Variants in CACNA2D3 observed in about 807,000 individuals in gnomAD.
CACNA2D3 encodes the protein calcium voltage-gated channel auxiliary subunit alpha2delta 3.
A neutral mutation model predicts 160.6 loss-of-function variants in CACNA2D3; 60 were observed. That is an observed-to-expected ratio of 0.37 (90% CI 0.30 to 0.46). CACNA2D3 has a LOEUF of 0.46. Ranked by LOEUF, CACNA2D3 falls within the 20% of genes least tolerant of loss-of-function variation. The pLI is 1.00. For synonymous variants in CACNA2D3, 558 were observed against 492.9 expected (o/e 1.13, Z -1.75); for missense variants, 1,205 against 1,365.0 (o/e 0.88, Z 1.85).
At chr3:54,217,961 G>T (rs1299843980) in intron 2 of CACNA2D3, among the ~76,000 whole-genome samples, 1 of 151,768 alleles carries the variant, frequency 6.6e-6, no homozygotes, top group African/African-American at 2.4e-5. Flanking sequence ...TGTGTTGAGG[G>T]GGGTGTTTTA....
intron 27 of CACNA2D3, among the ~76,000 whole-genome samples, chr3:54,922,097 A>G (rs1445472965): frequency 6.6e-6 from 1 of 152,088 alleles, no homozygotes; most frequent in Non-Finnish European, 1.5e-5. Context: ...TGTGATCTGT[A>G]CTCATGCAGC....
chr3:54,125,016 A>G (rs1345230152), intron 2 of CACNA2D3, among the ~76,000 whole-genome samples: 3 of 152,166 alleles, frequency 2.0e-5, no homozygotes, highest in Admixed American at 2.0e-4. Flanking sequence ...GTTTGATGTG[A>G]TGAATTCTGG....
At chr3:54,401,509 G>C (rs749708446) in intron 4 of CACNA2D3, among the ~76,000 whole-genome samples, 1 of 152,188 alleles carries the variant, frequency 6.6e-6, no homozygotes, top group Non-Finnish European at 1.5e-5. Flanking sequence ...AGAGAAAAGT[G>C]TCAGGTCACA....
At position 54,152,962 on chromosome 3, in the gene CACNA2D3, A is replaced by G. The variant is rs867765094; in HGVS notation, c.204+29368A>G. Among the ~76,000 whole-genome samples the G allele has an allele frequency of 1.6e-4, 25 of 152,344 alleles. No homozygotes were observed. In the Middle Eastern group the frequency reaches 0.01, roughly 62 times the overall value. Reference sequence around the variant, plus strand: ...TACAGGTGACACTCATGATGTGGGCAGGAATCCAGGGCTTGGGAGAGCTTT... The same window carrying G: ...TACAGGTGACACTCATGATGTGGGCGGGAATCCAGGGCTTGGGAGAGCTTT... On this transcript the variant is annotated intron_variant, in intron 2 of 37. Transcript: ENST00000474759.
chr3:55,039,607 A>C (rs1336952360), intron 35 of CACNA2D3, among the ~76,000 whole-genome samples: 2 of 152,186 alleles, frequency 1.3e-5, no homozygotes, highest in Non-Finnish European at 2.9e-5. Flanking sequence ...TTTTGACAGT[A>C]CCTCATTAGT....
At chr3:54,734,388 A>G (rs566153759) in intron 11 of CACNA2D3, among the ~76,000 whole-genome samples, 10 of 152,304 alleles carry the variant, frequency 6.6e-5, no homozygotes, top group African/African-American at 2.4e-4. Context: ...CTTCGCAGTG[A>G]AGTCAGTTCA....
intron 35 of CACNA2D3, among the ~76,000 whole-genome samples, chr3:55,066,321 G>A (rs1575460217): frequency 6.6e-6 from 1 of 152,060 alleles, no homozygotes. Context: ...CTATATAAAG[G>A]GTAAAAATCT....
chr3:54,971,818 G>A (rs975965480), intron 29 of CACNA2D3, among the ~76,000 whole-genome samples: 16 of 152,172 alleles, frequency 1.1e-4, no homozygotes, highest in Admixed American at 1.3e-4. Flanking sequence ...GACTCTGACA[G>A]TAATAAAATG....
intron 3 of CACNA2D3, among the ~76,000 whole-genome samples, chr3:54,321,851 G>T (rs1704005416): frequency 7.0e-6 from 1 of 143,390 alleles, no homozygotes; most frequent in Admixed American, 7.5e-5. Flanking sequence ...TTTCTGTCCA[G>T]ATAAGGTTGT....
At chr3:54,739,495 G>A (rs750531502) in intron 11 of CACNA2D3, among the ~76,000 whole-genome samples, 1 of 150,852 alleles carries the variant, frequency 6.6e-6, no homozygotes, top group Non-Finnish European at 1.5e-5. Context: ...CATGGAGAGT[G>A]CCTGCAAGGT....
intron 26 of CACNA2D3, among the ~76,000 whole-genome samples, chr3:54,898,749 G>A: frequency 6.6e-6 from 1 of 152,128 alleles, no homozygotes; most frequent in East Asian, 1.9e-4. Flanking sequence ...TGGTAACTGG[G>A]ATTTTCACCA....
intron 11 of CACNA2D3, among the ~76,000 whole-genome samples, chr3:54,741,081 G>C (rs988606455): frequency 6.6e-6 from 1 of 152,100 alleles, no homozygotes; most frequent in Non-Finnish European, 1.5e-5. Flanking sequence ...CCCTGATGTG[G>C]GCCTTTGGGG....
chr3:54,304,390 G>A (rs1215282580), intron 2 of CACNA2D3, among the ~76,000 whole-genome samples: 3 of 152,128 alleles, frequency 2.0e-5, no homozygotes, highest in Non-Finnish European at 4.4e-5. Context: ...GTGAGCTGAA[G>A]GATGAGCTAT....
chr3:54,153,600 A>C (rs186748660), intron 2 of CACNA2D3, among the ~76,000 whole-genome samples: 10 of 152,322 alleles, frequency 6.6e-5, no homozygotes, highest in Admixed American at 6.5e-4. Context: ...AATAAAACAA[A>C]TGTATGGCTG....
chr3:54,854,535 A>G (rs1699125409), intron 17 of CACNA2D3, among the ~76,000 whole-genome samples: 1 of 151,808 alleles, frequency 6.6e-6, no homozygotes, highest in South Asian at 2.1e-4. Flanking sequence ...TATTTTTTTT[A>G]TTATGGACAG....
intron 4 of CACNA2D3, among the ~76,000 whole-genome samples, chr3:54,484,440 T>C (rs942298695): frequency 6.6e-6 from 1 of 152,156 alleles, no homozygotes; most frequent in Admixed American, 6.5e-5. Flanking sequence ...AGATGCTAGG[T>C]AGTGATGGAA....
chr3:54,995,727 T>C (rs1303037845), intron 31 of CACNA2D3, among the ~76,000 whole-genome samples: 1 of 152,200 alleles, frequency 6.6e-6, no homozygotes, highest in Non-Finnish European at 1.5e-5. Flanking sequence ...ACCTGGGAAA[T>C]GTGCATATTA....
At chr3:54,849,818 C>G (rs1699016727) in intron 17 of CACNA2D3, among the ~76,000 whole-genome samples, 1 of 152,192 alleles carries the variant, frequency 6.6e-6, no homozygotes, top group Admixed American at 6.5e-5. Flanking sequence ...ATTCCCTCTC[C>G]ATCTGCCATG....
At chr3:54,679,578 G>A (rs1398618261) in intron 11 of CACNA2D3, among the ~76,000 whole-genome samples, 1 of 152,158 alleles carries the variant, frequency 6.6e-6, no homozygotes, top group Middle Eastern at 3.2e-3. Context: ...CTCTGCCTGA[G>A]ATGACCCCTT....
Sources: gnomAD v4.1 joint callset for allele counts (sites outside exome capture counted in the v4.1 genomes callset) on GRCh38, gnomAD v4.1.1 for gene constraint, MANE v1.5 for transcripts, NCBI Gene and HGNC (gene_info 2026-07-23, HGNC 2026-07-21) for gene names.